DST: variants seen among roughly 807,000 people sequenced by gnomAD.
DST encodes dystonin.
In DST, 253 loss-of-function variants were observed where a neutral mutation model predicts 875.2. The observed-to-expected ratio is 0.29, with a 90% CI of 0.26 to 0.32. DST has a LOEUF of 0.32. Ranked by LOEUF, DST falls within the 10% of genes least tolerant of loss-of-function variation. The probability of loss-of-function intolerance (pLI) is 1.00; values close to 1 mark genes in which losing one functional copy is unlikely to be tolerated. For missense variants in DST, 8,287 were observed against 9,111.6 expected (o/e 0.91, Z 3.68); for synonymous variants, 3,124 against 3,197.1 (o/e 0.98, Z 0.77).
At chr6:56,852,735 T>C (rs1429063244) in intron 3 of DST, among the ~76,000 whole-genome samples, 2 of 152,206 alleles carry the variant, frequency 1.3e-5, no homozygotes, top group Admixed American at 1.3e-4. Context: ...CTGAGACTCA[T>C]GGTAAAGATG....
Position 56,847,443 on chromosome 6 carries a change from A to G in DST, c.625+3954T>C, listed in dbSNP as rs115064536. ...CATTCCATTGCTTAAAAATCTTTCA[A>G]TGGTTCCCTAGCACTTACAACATAA... On this transcript the variant is annotated intron_variant, in intron 4 of 103. Coordinates refer to ENST00000680361, the MANE Select transcript of DST (RefSeq NM_001374736.1). 7.6e-3 allele frequency among the ~76,000 whole-genome samples: 1,164 copies of G among 152,324 alleles called. 14 individuals carry two copies. The highest frequency in any genetic ancestry group is 0.026 in the African/African-American group (1,086 of 41,570).
Position 56,908,126 on chromosome 6 carries a change from C to T in DST, c.217-7505G>A, listed in dbSNP as rs143232979. 1.7e-3 allele frequency among the ~76,000 whole-genome samples: 254 copies of T among 151,944 alleles called. 2 individuals are homozygous for T. Among genetic ancestry groups the T allele is most frequent in the Middle Eastern group, 0.014 (4 of 292 alleles). Reference sequence around the variant, plus strand: ...ACACACACACACACACATATATACACACATATATGTATATATAATGTTACT... The same window carrying T: ...ACACACACACACACACATATATACATACATATATGTATATATAATGTTACT... On this transcript the variant is annotated intron_variant, in intron 2 of 103. Transcript: ENST00000680361.
Position 56,555,690 on chromosome 6 carries a change from G to T in DST, c.14791C>A (p.Leu4931Ile), listed in dbSNP as rs2097402108. The change falls in exon 60 of 104, where the codon CTA becomes ATA. Residue 4931 changes from leucine to isoleucine, a missense_variant. By Grantham distance (5) the Leu-to-Ile change is conservative. Coordinates refer to ENST00000680361, the MANE Select transcript of DST (RefSeq NM_001374736.1). ...LAAVTQKWDSLTGQLSDRCDW... is the reference protein window; with the variant it reads ...LAAVTQKWDSITGQLSDRCDW... ...CATCTGTCACTCAATTGCCCTGTTAGGCTATCCCATTTTTGGGTCACAGCT... is the reference window on the plus strand; with the variant it reads ...CATCTGTCACTCAATTGCCCTGTTATGCTATCCCATTTTTGGGTCACAGCT... 1 of 1,612,492 alleles carries T rather than the reference G, an allele frequency of 6.2e-7. No homozygotes were observed. Among genetic ancestry groups the T allele is most frequent in the African/African-American group, 1.3e-5 (1 of 74,892 alleles).
rs564788188 is a variant in DST, at chr6:56,621,638, G to C, written c.4929+2892C>G. ...AAAAATTTTTACTCTACTAGGGACA[G>C]AATCAATGTCAGCTGGGAGGAGTAT... On this transcript the variant is annotated intron_variant, in intron 36 of 103. Coordinates refer to ENST00000680361, the MANE Select transcript of DST (RefSeq NM_001374736.1). 1.5e-4 allele frequency among the ~76,000 whole-genome samples: 23 copies of C among 152,254 alleles called. No individual in the cohort carries two copies. The East Asian group carries it at 3.7e-3, about 24-fold the overall frequency.
chr6:56,692,015 A>G (rs2099233872), intron 9 of DST, among the ~76,000 whole-genome samples: 1 of 152,182 alleles, frequency 6.6e-6, no homozygotes, highest in African/African-American at 2.4e-5. Context: ...TCTTCTCATG[A>G]CTATTTCTAA....
intron 3 of DST, among the ~76,000 whole-genome samples, chr6:56,897,584 G>A (rs2127682390): frequency 6.6e-6 from 1 of 152,218 alleles, no homozygotes; most frequent in South Asian, 2.1e-4. Flanking sequence ...GCCCACCTTG[G>A]TATCCCAAGG....
chr6:56,851,643 T>G, intron 3 of DST, 39 bp from the exon 4 acceptor site: 11 of 1,597,370 alleles, frequency 6.9e-6, no homozygotes, highest in Non-Finnish European at 9.4e-6. Context: ...AACAGCAAAA[T>G]ACTCACATAT....
intron 4 of DST, among the ~76,000 whole-genome samples, chr6:56,795,943 C>A (rs1220903494): frequency 6.6e-6 from 1 of 152,164 alleles, no homozygotes; most frequent in Non-Finnish European, 1.5e-5. Context: ...CATCTTTCCT[C>A]ATGGTACTAC....
chr6:56,905,566 T>C (rs780245489), intron 2 of DST, among the ~76,000 whole-genome samples: 34 of 152,208 alleles, frequency 2.2e-4, no homozygotes, highest in Non-Finnish European at 3.5e-4. Flanking sequence ...GGTTCATTCA[T>C]ACTGTTGCAT....
intron 4 of DST, among the ~76,000 whole-genome samples, chr6:56,758,992 T>A (rs974234990): frequency 1.3e-5 from 2 of 152,152 alleles, no homozygotes; most frequent in African/African-American, 4.8e-5. Context: ...ACCCTGAGCA[T>A]CATACCAGCC....
chr6:56,606,845 G>C lies in DST; in HGVS notation c.7783C>G (p.Leu2595Val). 6.2e-7 allele frequency: 1 copy of C among 1,613,158 alleles called. No individual in the cohort carries two copies. The highest frequency in any genetic ancestry group is 8.5e-7 in the Non-Finnish European group (1 of 1,179,482). ...CCTGTGTTATTCTGCTGATCATTCAGCAGTGACGTTTCATAGTCACTAGCA... is the reference window on the plus strand; with the variant it reads ...CCTGTGTTATTCTGCTGATCATTCACCAGTGACGTTTCATAGTCACTAGCA... ...ISASDYETSL[L>V]NDQQNNTGTD... The change falls in exon 40 of 104, where the codon CTG becomes GTG. Residue 2595 changes from leucine (L) to valine (V), a missense_variant. Leu to Val is a conservative substitution (Grantham distance 32). Around this residue, in one of 10 missense-constraint regions of DST, gnomAD observed 3,138 missense variants for 3,116.6 expected, o/e 1.01. Transcript: ENST00000680361.
rs186806821 is a variant in DST, at chr6:56,482,222, T to A, written c.21403-44A>T. 111 of 1,573,514 alleles carry A rather than the reference T, an allele frequency of 7.1e-5. No homozygotes were observed. The East Asian group carries it at 2.2e-3, about 31-fold the overall frequency. On this transcript the variant is annotated intron_variant, in intron 89 of 103. Transcript: ENST00000680361. ...ACACACCCCAAACAAAATTCCCAAA[T>A]ATGCCTGTTAGCACAATTTACAAAA... is the stretch of plus-strand genomic sequence containing the variant.
chr6:56,620,918 G>A (rs1347949447), intron 36 of DST, among the ~76,000 whole-genome samples: 3 of 152,148 alleles, frequency 2.0e-5, no homozygotes, highest in Admixed American at 1.3e-4. Context: ...CTTCACGACA[G>A]GTTTTCTGAA....
At chr6:56,463,262 A>G in intron 101 of DST, 106 bp from the exon 102 acceptor site, 1 of 669,190 alleles carries the variant, frequency 1.5e-6, no homozygotes, top group Non-Finnish European at 2.5e-6. Flanking sequence ...AGTAAGAATA[A>G]TAATTTAAAA....
intron 51 of DST, 149 bp downstream of exon 51, chr6:56,573,530 T>C (rs2097810339): frequency 1.6e-6 from 1 of 638,762 alleles, no homozygotes; most frequent in Non-Finnish European, 2.7e-6. Context: ...ACACACTTGA[T>C]TTTGTGCAAG....
intron 30 of DST, 40 bp from the exon 31 acceptor site, chr6:56,630,423 T>C (rs778877328): frequency 2.5e-6 from 4 of 1,577,870 alleles, no homozygotes; most frequent in Admixed American, 3.4e-5. Context: ...TATGGTTAAA[T>C]GTTTATTTTT....
intron 82 of DST, among the ~76,000 whole-genome samples, chr6:56,496,157 T>C (rs951401682): frequency 6.6e-6 from 1 of 152,200 alleles, no homozygotes; most frequent in African/African-American, 2.4e-5. Context: ...TTTCAAAATC[T>C]GAAACACTGT....
intron 68 of DST, among the ~76,000 whole-genome samples, chr6:56,527,170 A>G (rs2096817691): frequency 6.6e-6 from 1 of 152,116 alleles, no homozygotes; most frequent in South Asian, 2.1e-4. Context: ...TTATAGAAAT[A>G]TTGGTATTCC....
In DST at chr6:56,953,824, G is replaced by A. The variant is rs554056284; in HGVS notation, c.182-5C>T. On this transcript the variant is annotated splice_region_variant and splice_polypyrimidine_tract_variant and intron_variant, in intron 1 of 103. Coordinates refer to ENST00000680361, the MANE Select transcript of DST (RefSeq NM_001374736.1). ...GGTGCGATCTCAAAACAGCATCTGG[G>A]GAGAAAAGAGATAAATGAGACTTCA... 43 of 1,312,506 alleles carry A rather than the reference G, an allele frequency of 3.3e-5. No homozygotes were observed. Among genetic ancestry groups the A allele is most frequent in the Non-Finnish European group, 4.2e-5 (42 of 992,692 alleles). 81.3% of individuals were successfully genotyped at this position (1,312,506 alleles called of 1,614,324 possible). A position where few individuals can be genotyped will look rare whatever the true frequency, so the allele number is the denominator to read the frequency against.
Sources: allele counts gnomAD v4.1 joint callset (sites outside exome capture counted in the v4.1 genomes callset), GRCh38; gene constraint gnomAD v4.1.1; regional missense constraint gnomAD v4.1.1; transcripts MANE v1.5; gene names NCBI Gene and HGNC (gene_info 2026-07-23, HGNC 2026-07-21).